Variants in TENM1 observed in about 807,000 individuals in gnomAD.
The protein encoded by TENM1 is teneurin transmembrane protein 1.
A neutral mutation model predicts 174.8 loss-of-function variants in TENM1; 35 were observed. The observed-to-expected ratio is 0.20, with a 90% CI of 0.15 to 0.27. The LOEUF is 0.27. Among genes scored for constraint, TENM1 ranks in the 10% least tolerant of loss-of-function variants. The pLI, the probability that TENM1 is intolerant of heterozygous loss-of-function variation, is 1.00. For missense variants in TENM1, 1,633 were observed against 2,130.1 expected, an observed-to-expected ratio of 0.77 and a Z score of 4.59; for synonymous variants, 781 against 798.7, an observed-to-expected ratio of 0.98 and a Z score of 0.37.
chrX:125,190,158 G>C, the TENM1 span, among the ~76,000 whole-genome samples: 1 of 111,545 alleles, frequency 9.0e-6, no homozygotes, highest in East Asian at 2.8e-4. Flanking sequence ...GCAACACTCT[G>C]TATTGTCACT....
chrX:125,092,104 G>T, the TENM1 span, among the ~76,000 whole-genome samples: 1 of 103,354 alleles, frequency 9.7e-6, no homozygotes, highest in African/African-American at 3.6e-5. Context: ...ATAGAAAAAA[G>T]AAGCTTCCAA....
At chrX:124,542,583 T>C (rs1346212071) in intron 15 of TENM1, among the ~76,000 whole-genome samples, 3 of 111,626 alleles carry the variant, frequency 2.7e-5, no homozygotes, top group African/African-American at 6.5e-5. Flanking sequence ...AGATTTTAGA[T>C]CTTTAAGCTG....
At chrX:125,168,114 T>A in the TENM1 span, among the ~76,000 whole-genome samples, 6,974 of 111,597 alleles carry the variant, frequency 0.062, 560 homozygotes, top group African/African-American at 0.21. Context: ...ATATTTATCA[T>A]CATCTGTGTC....
intron 3 of TENM1, among the ~76,000 whole-genome samples, chrX:124,857,374 C>T (rs1046283853): frequency 1.1e-4 from 12 of 111,399 alleles, no homozygotes; most frequent in Admixed American, 1.0e-3. Context: ...AATGAACAAA[C>T]AAATGTGATA....
At chrX:125,184,924 T>C in the TENM1 span, among the ~76,000 whole-genome samples, 1 of 111,684 alleles carries the variant, frequency 9.0e-6, no homozygotes, top group African/African-American at 3.3e-5. Context: ...TCTCACGTAG[T>C]CCACCTAACA....
the TENM1 span, among the ~76,000 whole-genome samples, chrX:125,047,109 A>C: frequency 0.14 from 15,066 of 110,804 alleles, 1,049 homozygotes; most frequent in African/African-American, 0.26. Context: ...CTTCGATAAA[A>C]TGTGATTCTA....
At chrX:125,087,025 C>A in the TENM1 span, among the ~76,000 whole-genome samples, 171 of 111,131 alleles carry the variant, frequency 1.5e-3, 1 homozygote, top group African/African-American at 5.2e-3. Flanking sequence ...ATATTATATG[C>A]CCTTGAAAAG....
chrX:124,918,202 T>C (rs1295367502), intron 1 of TENM1, among the ~76,000 whole-genome samples: 1 of 109,602 alleles, frequency 9.1e-6, no homozygotes, highest in Non-Finnish European at 1.9e-5. Context: ...TTTTTTGAGT[T>C]GGTGTCTGGC....
At chrX:125,069,760 A>G in the TENM1 span, among the ~76,000 whole-genome samples, 1 of 109,144 alleles carries the variant, frequency 9.2e-6, no homozygotes, top group Admixed American at 9.6e-5. Flanking sequence ...CAGAACTTAA[A>G]ATAAAATAAA....
chrX:125,202,424 T>A, the TENM1 span, among the ~76,000 whole-genome samples: 1 of 112,283 alleles, frequency 8.9e-6, no homozygotes. Context: ...ATTTCCTTTC[T>A]GTAGCACTGA....
chrX:125,004,091 G>A, the TENM1 span, among the ~76,000 whole-genome samples: 3 of 111,742 alleles, frequency 2.7e-5, no homozygotes, highest in East Asian at 2.8e-4. Context: ...GAGTAATGAC[G>A]GAAATAGAGT....
intron 4 of TENM1, among the ~76,000 whole-genome samples, chrX:124,712,893 G>T (rs1465222020): frequency 8.9e-6 from 1 of 111,971 alleles, no homozygotes; most frequent in Admixed American, 9.5e-5. Flanking sequence ...TGCCATGCTG[G>T]GTCAGCCCCA....
intron 11 of TENM1, among the ~76,000 whole-genome samples, chrX:124,611,958 A>G (rs1376273069): frequency 1.8e-5 from 2 of 112,241 alleles, no homozygotes; most frequent in African/African-American, 6.5e-5. Flanking sequence ...ATGTTTTAAT[A>G]TAATATGCCT....
At chrX:124,787,155 C>A (rs1483815680) in intron 3 of TENM1, among the ~76,000 whole-genome samples, 3 of 111,513 alleles carry the variant, frequency 2.7e-5, no homozygotes, top group Non-Finnish European at 5.7e-5. Flanking sequence ...TAATTTTTAA[C>A]CTTTTATGTA....
intron 11 of TENM1, among the ~76,000 whole-genome samples, chrX:124,632,401 TAGGATACTGGAA>T (rs2050782585): frequency 9.0e-6 from 1 of 111,430 alleles, no homozygotes; most frequent in African/African-American, 3.3e-5. Context: ...ACATTTTTGC[TAGGATACTGGAA>T]ATTTGGTAGC....
chrX:124,568,065 T>A (rs951567518), intron 11 of TENM1, among the ~76,000 whole-genome samples: 5 of 112,252 alleles, frequency 4.5e-5, no homozygotes, highest in Admixed American at 9.5e-5. Flanking sequence ...TTTCAAACTA[T>A]CTCTATATAA....
the TENM1 span, among the ~76,000 whole-genome samples, chrX:125,080,783 A>AT: frequency 9.1e-6 from 1 of 110,227 alleles, no homozygotes; most frequent in Admixed American, 9.7e-5. Context: ...TGAGAAAGAC[A>AT]TTTTTCCAAA....
chrX:124,482,060 A>G, intron 21 of TENM1, 96 bp from the exon 25 acceptor site: 1 of 490,558 alleles, frequency 2.0e-6, no homozygotes, highest in Admixed American at 3.4e-5. Flanking sequence ...CTTTTGATAG[A>G]TGAGTGAATT....
the TENM1 span, among the ~76,000 whole-genome samples, chrX:125,097,254 T>TA: frequency 8.9e-6 from 1 of 111,921 alleles, no homozygotes; most frequent in East Asian, 2.8e-4. Context: ...CCTTTTTTTT[T>TA]AACCCCTTTC....
Sources: allele counts gnomAD v4.1 joint callset (sites outside exome capture counted in the v4.1 genomes callset), GRCh38; gene constraint gnomAD v4.1.1; transcripts MANE v1.5; gene names NCBI Gene and HGNC (gene_info 2026-07-23, HGNC 2026-07-21).